The following CERS6 variants were observed in gnomAD, a reference collection of about 807,000 sequenced individuals.
CERS6 encodes LAG1 homolog, ceramide synthase 6.
In CERS6, 26 loss-of-function variants were observed where a neutral mutation model predicts 56.8. That is an observed-to-expected ratio of 0.46 (90% CI 0.34 to 0.63). The LOEUF is 0.63. Ranked by LOEUF, CERS6 falls within the 30% of genes least tolerant of loss-of-function variation. The pLI, the probability that CERS6 is intolerant of heterozygous loss-of-function variation, is 0.01. For missense variants in CERS6, 415 were observed against 467.5 expected (o/e 0.89, Z 1.04); for synonymous variants, 164 against 173.3 (o/e 0.95, Z 0.42).
chr2:168,668,964 A>G (rs1027454516), intron 4 of CERS6, among the ~76,000 whole-genome samples: 1 of 152,198 alleles, frequency 6.6e-6, no homozygotes, highest in African/African-American at 2.4e-5. Context: ...CAGGATGGGT[A>G]CTGTAAACCA....
intron 1 of CERS6, among the ~76,000 whole-genome samples, chr2:168,532,398 T>C (rs1171352896): frequency 6.6e-6 from 1 of 152,206 alleles, no homozygotes; most frequent in Non-Finnish European, 1.5e-5. Context: ...TTAGTGTTGA[T>C]AACACTTTTT....
At position 168,466,010 on chromosome 2, in the gene CERS6, C is replaced by CTTT. The variant is rs35424614; in HGVS notation, c.170+9404_170+9406dup. On this transcript the variant is annotated intron_variant, in intron 1 of 9. Coordinates refer to ENST00000305747, the MANE Select transcript of CERS6 (RefSeq NM_203463.3). Reference sequence around the variant, plus strand: ...TTTATCTCAGTTTCATCAAGCACTGCTTTTTTTTTTTTTTAACTGCTTAAT... The same window carrying CTTT: ...TTTATCTCAGTTTCATCAAGCACTGCTTTTTTTTTTTTTTTTTAACTGCTTAAT... 2.0e-3 allele frequency among the ~76,000 whole-genome samples: 284 copies of CTTT among 144,194 alleles called. 1 individual carries two copies. Among genetic ancestry groups the CTTT allele is most frequent in the African/African-American group, 5.9e-3 (233 of 39,280 alleles). The allele number at this position is 144,194 out of a possible 152,430, so 94.6% of individuals were successfully genotyped here.
chr2:168,713,244 T>G (rs1040792916), intron 6 of CERS6, among the ~76,000 whole-genome samples: 1 of 152,168 alleles, frequency 6.6e-6, no homozygotes, highest in African/African-American at 2.4e-5. Flanking sequence ...ATGTTGTGCT[T>G]TTTCATAATC....
intron 8 of CERS6, among the ~76,000 whole-genome samples, chr2:168,760,768 T>TTATA (rs1201416988): frequency 6.6e-6 from 1 of 151,414 alleles, no homozygotes; most frequent in Non-Finnish European, 1.5e-5. Flanking sequence ...ATTTATTTAT[T>TTATA]TTTTTGAGAC....
chr2:168,752,434 A>T lies in CERS6; in HGVS notation c.846-13158A>T, dbSNP rs182267382. On this transcript the variant is annotated intron_variant, in intron 8 of 9. Coordinates refer to ENST00000305747, the MANE Select transcript of CERS6 (RefSeq NM_203463.3). ...TGCAAATTGAAAATTAAAGAGAGCA[A>T]CATGGCAAAATGTGCTGCTGATAGC... 6.6e-4 allele frequency among the ~76,000 whole-genome samples: 101 copies of T among 152,258 alleles called. 1 individual carries two copies. The highest frequency in any genetic ancestry group is 2.4e-3 in the African/African-American group (98 of 41,562).
intron 3 of CERS6, among the ~76,000 whole-genome samples, chr2:168,616,832 CAGAA>C (rs935497959): frequency 1.2e-4 from 19 of 152,114 alleles, no homozygotes; most frequent in Admixed American, 9.2e-4. Flanking sequence ...GTCATCAAGA[CAGAA>C]AGTCAACAAA....
chr2:168,539,623 A>G (rs1000987475), intron 1 of CERS6, among the ~76,000 whole-genome samples: 1 of 152,214 alleles, frequency 6.6e-6, no homozygotes. Context: ...GCACATGTAT[A>G]TGTCTAAACA....
At chr2:168,592,149 A>G (rs1222004437) in intron 3 of CERS6, among the ~76,000 whole-genome samples, 1 of 152,232 alleles carries the variant, frequency 6.6e-6, no homozygotes, top group Non-Finnish European at 1.5e-5. Context: ...TACTTGACTT[A>G]CCAAAAGCCA....
chr2:168,658,972 A>G (rs1190824023), intron 4 of CERS6, among the ~76,000 whole-genome samples: 2 of 152,240 alleles, frequency 1.3e-5, no homozygotes, highest in Non-Finnish European at 2.9e-5. Context: ...GTCACTGGAT[A>G]TCGTGAGAAT....
chr2:168,712,619 T>A (rs1276178327), intron 6 of CERS6, among the ~76,000 whole-genome samples: 3 of 152,210 alleles, frequency 2.0e-5, no homozygotes, highest in African/African-American at 4.8e-5. Flanking sequence ...TCAACAAAGT[T>A]AAAATATCTT....
intron 4 of CERS6, among the ~76,000 whole-genome samples, chr2:168,664,437 A>G (rs1685706627): frequency 2.0e-5 from 3 of 152,206 alleles, no homozygotes; most frequent in Non-Finnish European, 4.4e-5. Context: ...GATCTTGTGC[A>G]AGAAAGAATT....
At chr2:168,764,318 A>G (rs949535531) in intron 8 of CERS6, among the ~76,000 whole-genome samples, 1 of 151,662 alleles carries the variant, frequency 6.6e-6, no homozygotes, top group Non-Finnish European at 1.5e-5. Context: ...AATTTTTTGT[A>G]TTTTTAATAG....
chr2:168,490,447 A>G (rs1217235807), intron 1 of CERS6, among the ~76,000 whole-genome samples: 1 of 152,138 alleles, frequency 6.6e-6, no homozygotes, highest in African/African-American at 2.4e-5. Context: ...AAAAGAAAAA[A>G]CAAAACCAAA....
At chr2:168,559,130 AT>A (rs112358587) in intron 2 of CERS6, among the ~76,000 whole-genome samples, 7 of 151,906 alleles carry the variant, frequency 4.6e-5, no homozygotes, top group African/African-American at 1.7e-4. Flanking sequence ...GTAGGCAATG[AT>A]TTTTCTCCTT....
chr2:168,701,287 T>A (rs188812506), intron 6 of CERS6, among the ~76,000 whole-genome samples: 36 of 152,370 alleles, frequency 2.4e-4, no homozygotes, highest in African/African-American at 7.5e-4. Flanking sequence ...TGGCTAGTTA[T>A]CATTTCCTAG....
chr2:168,730,791 A>G (rs1683509088), intron 8 of CERS6, among the ~76,000 whole-genome samples: 2 of 152,182 alleles, frequency 1.3e-5, no homozygotes, highest in African/African-American at 4.8e-5. Context: ...TATATTCTAC[A>G]GTCTGCAGCC....
chr2:168,459,136 A>G (rs1433317441), intron 1 of CERS6, among the ~76,000 whole-genome samples: 1 of 152,234 alleles, frequency 6.6e-6, no homozygotes, highest in Admixed American at 6.5e-5. Context: ...TTCTCTCAAG[A>G]TTCTTCTCTT....
At chr2:168,458,268 G>C (rs1190670720) in intron 1 of CERS6, among the ~76,000 whole-genome samples, 1 of 152,172 alleles carries the variant, frequency 6.6e-6, no homozygotes, top group Non-Finnish European at 1.5e-5. Context: ...TAATGCATTT[G>C]AAAGAGATGT....
intron 4 of CERS6, among the ~76,000 whole-genome samples, chr2:168,679,896 G>A (rs776354554): frequency 6.6e-6 from 1 of 152,144 alleles, no homozygotes; most frequent in Non-Finnish European, 1.5e-5. Context: ...TATCCTTTAA[G>A]CTGCAGCCTC....
Sources: gnomAD v4.1 joint callset for allele counts (sites outside exome capture counted in the v4.1 genomes callset) on GRCh38, gnomAD v4.1.1 for gene constraint, MANE v1.5 for transcripts, NCBI Gene and HGNC (gene_info 2026-07-23, HGNC 2026-07-21) for gene names.